Variants in XRCC5 observed in about 807,000 individuals in gnomAD.
The protein encoded by XRCC5 is DNA repair protein Ku80.
A neutral mutation model predicts 95.7 loss-of-function variants in XRCC5; 12 were observed. That is an observed-to-expected ratio of 0.13 (90% confidence interval 0.08 to 0.20). The LOEUF (loss-of-function observed/expected upper bound fraction) is 0.20, where lower values mean the gene tolerates loss of function less well. Among genes scored for constraint, XRCC5 ranks in the 10% least tolerant of loss-of-function variants. The pLI is 1.00. For missense variants in XRCC5, 595 were observed against 873.9 expected, an observed-to-expected ratio of 0.68 and a Z score of 4.02; for synonymous variants, 281 against 290.3, an observed-to-expected ratio of 0.97 and a Z score of 0.33.
chr2:216,131,030 A>G (rs1222474715), intron 9 of XRCC5, 43 bp downstream of exon 9: 10 of 1,531,036 alleles, frequency 6.5e-6, no homozygotes, highest in African/African-American at 5.5e-5. Context: ...CCTAGCTGTT[A>G]TTTGAAATGG....
intron 16 of XRCC5, among the ~76,000 whole-genome samples, chr2:216,169,149 G>C (rs1465249084): frequency 1.3e-5 from 2 of 152,232 alleles, no homozygotes; most frequent in Non-Finnish European, 2.9e-5. Flanking sequence ...TGGGGTAAGA[G>C]CATTATTGCT....
intron 16 of XRCC5, among the ~76,000 whole-genome samples, chr2:216,188,759 G>T (rs1689556450): frequency 6.6e-6 from 1 of 152,166 alleles, no homozygotes; most frequent in South Asian, 2.1e-4. Flanking sequence ...ACTAATCAGG[G>T]TTGTATTATT....
intron 10 of XRCC5, among the ~76,000 whole-genome samples, chr2:216,135,698 C>T (rs1416622252): frequency 6.6e-6 from 1 of 151,888 alleles, no homozygotes; most frequent in African/African-American, 2.4e-5. Flanking sequence ...ACTCGGGAGG[C>T]TGAGGCACAA....
intron 14 of XRCC5, among the ~76,000 whole-genome samples, chr2:216,149,115 C>G (rs1286702004): frequency 6.6e-6 from 1 of 152,086 alleles, no homozygotes; most frequent in East Asian, 1.9e-4. Context: ...CTCTCCACAA[C>G]TATCTTTATT....
intron 16 of XRCC5, among the ~76,000 whole-genome samples, chr2:216,187,861 T>TCCC (rs1553579201): frequency 0.018 from 2,074 of 115,840 alleles, 59 homozygotes; most frequent in Non-Finnish European, 0.022. Context: ...TCTCTCTCTC[T>TCCC]CCCCGTCTCC....
intron 14 of XRCC5, chr2:216,156,931 GGA>G (rs1688854385): frequency 6.4e-6 from 2 of 311,188 alleles, no homozygotes; most frequent in Admixed American, 4.0e-5. Context: ...GCCTTTCTGG[GGA>G]GAGTTTCGAG....
chr2:216,192,575 G>A (rs1689635445), intron 17 of XRCC5, 64 bp from the exon 18 acceptor site: 3 of 1,136,022 alleles, frequency 2.6e-6, no homozygotes, highest in Non-Finnish European at 3.8e-6. Context: ...GTTTGGTCTG[G>A]GGTGAATTTG....
At chr2:216,121,676 T>C (rs960700401) in intron 5 of XRCC5, among the ~76,000 whole-genome samples, 3 of 152,156 alleles carry the variant, frequency 2.0e-5, no homozygotes, top group African/African-American at 7.2e-5. Context: ...AATAATGATT[T>C]TGGGGGACAC....
At chr2:216,204,176 C>T in intron 19 of XRCC5, 146 bp from the exon 20 acceptor site, 1 of 878,974 alleles carries the variant, frequency 1.1e-6, no homozygotes, top group Non-Finnish European at 1.8e-6. Flanking sequence ...TAGCGTATGC[C>T]AGGATGATGT....
chr2:216,126,114 G>T, intron 7 of XRCC5, 83 bp downstream of exon 7: 2 of 1,079,478 alleles, frequency 1.9e-6, no homozygotes, highest in Non-Finnish European at 2.8e-6. Flanking sequence ...ATTCATGTGT[G>T]TGTTACTCGG....
At chr2:216,156,212 C>CT in intron 14 of XRCC5, 1 of 431,090 alleles carries the variant, frequency 2.3e-6, no homozygotes, top group South Asian at 2.0e-5. Context: ...CATATGAGTC[C>CT]TTGTGATTCG....
intron 16 of XRCC5, among the ~76,000 whole-genome samples, chr2:216,168,992 A>G (rs1689103191): frequency 2.0e-5 from 3 of 152,214 alleles, no homozygotes; most frequent in African/African-American, 7.2e-5. Context: ...TTTTTAAAAC[A>G]ACATTATAGG....
rs1228071862 is a variant in XRCC5, at chr2:216,125,951, A to C, written c.718A>C (p.Ile240Leu). The change falls in exon 7 of 21, where the codon ATT becomes CTT. Residue 240 changes from isoleucine to leucine, a missense_variant. Physicochemically the swap from Ile to Leu is conservative, Grantham distance 5. Transcript: ENST00000392132. ...GAGAAAACTGTGCGTCTTCAAGAAAATTGAGAGGCATTCCATTCACTGGCC... is the reference window on the plus strand; with the variant it reads ...GAGAAAACTGTGCGTCTTCAAGAAACTTGAGAGGCATTCCATTCACTGGCC... ...SLRKLCVFKKIERHSIHWPCR... is the reference protein window; with the variant it reads ...SLRKLCVFKKLERHSIHWPCR... The C allele has an allele frequency of 6.2e-7, 1 of 1,613,894 alleles. No homozygotes were observed. Among genetic ancestry groups the C allele is most frequent in the Non-Finnish European group, 8.5e-7 (1 of 1,179,882 alleles).
At chr2:216,158,059 G>A (rs868638327) in intron 14 of XRCC5, among the ~76,000 whole-genome samples, 4 of 152,214 alleles carry the variant, frequency 2.6e-5, no homozygotes, top group Middle Eastern at 3.4e-3. Flanking sequence ...TGCCTGGTAC[G>A]GGAAAATTGT....
At chr2:216,120,693 C>T (rs1041293758) in intron 5 of XRCC5, among the ~76,000 whole-genome samples, 1 of 151,976 alleles carries the variant, frequency 6.6e-6, no homozygotes, top group Non-Finnish European at 1.5e-5. Context: ...ATAGCTGAGA[C>T]TATAGATGCA....
At chr2:216,150,111 G>A (rs2106020365) in intron 14 of XRCC5, among the ~76,000 whole-genome samples, 1 of 152,160 alleles carries the variant, frequency 6.6e-6, no homozygotes, top group South Asian at 2.1e-4. Flanking sequence ...TTTTTCCAAG[G>A]AAAGAAAAAA....
intron 9 of XRCC5, 106 bp downstream of exon 9, chr2:216,131,093 T>G (rs1199120501): frequency 2.3e-5 from 33 of 1,428,000 alleles, no homozygotes; most frequent in Non-Finnish European, 2.8e-5. Flanking sequence ...TCACTTTTAA[T>G]TTTTCTAAAA....
chr2:216,116,947 G>T (rs1696708754), intron 3 of XRCC5, 105 bp downstream of exon 3: 1 of 1,308,050 alleles, frequency 7.6e-7, no homozygotes, highest in South Asian at 1.4e-5. Context: ...GAGTATATGG[G>T]TATATTTTGC....
At chr2:216,195,805 C>T (rs1054772521) in intron 19 of XRCC5, among the ~76,000 whole-genome samples, 2 of 152,160 alleles carry the variant, frequency 1.3e-5, no homozygotes, top group African/African-American at 2.4e-5. Flanking sequence ...GTATATACTT[C>T]GTAACACTCA....
Sources: gnomAD v4.1 joint callset for allele counts (sites outside exome capture counted in the v4.1 genomes callset) on GRCh38, gnomAD v4.1.1 for gene constraint, MANE v1.5 for transcripts, NCBI Gene and HGNC (gene_info 2026-07-23, HGNC 2026-07-21) for gene names.